Variants in TRIP13 observed in about 807,000 individuals in gnomAD.
TRIP13 encodes the protein pachytene checkpoint protein 2 homolog.
In TRIP13, 25 loss-of-function variants were observed where a neutral mutation model predicts 54.4. The observed-to-expected ratio is 0.46, with a 90% CI of 0.33 to 0.64. The LOEUF (loss-of-function observed/expected upper bound fraction) is 0.64, where lower values mean the gene tolerates loss of function less well. TRIP13 is among the 30% of genes least tolerant of loss of function. TRIP13 has a pLI of 0.02. For missense variants in TRIP13, 373 were observed against 534.2 expected (o/e 0.70, Z 2.97); for synonymous variants, 207 against 207.8 (o/e 1.00, Z 0.03).
intron 10 of TRIP13, among the ~76,000 whole-genome samples, chr5:914,235 A>G (rs1456993734): frequency 1.3e-5 from 2 of 152,162 alleles, no homozygotes; most frequent in African/African-American, 4.8e-5. Context: ...TTTCTGAGGC[A>G]TGTTCCGTTA....
chr5:914,902 A>G (rs1754313083), intron 11 of TRIP13, among the ~76,000 whole-genome samples: 1 of 152,186 alleles, frequency 6.6e-6, no homozygotes, highest in Non-Finnish European at 1.5e-5. Context: ...TTGGGGGTCC[A>G]GGGAGGGTGG....
Position 892,953 on chromosome 5 carries a change from G to T in TRIP13, c.-46G>T. ...TGGCGGCGACGCTGGGCGTGAGGTGGCGGCGGCCGCGCCCTGGTTGGGTCC... is the reference window on the plus strand; with the variant it reads ...TGGCGGCGACGCTGGGCGTGAGGTGTCGGCGGCCGCGCCCTGGTTGGGTCC... On this transcript the variant is annotated 5_prime_UTR_variant, in exon 1 of 13. Transcript: ENST00000166345. 7.0e-7 allele frequency: 1 copy of T among 1,435,622 alleles called. No homozygotes were observed. Among genetic ancestry groups the T allele is most frequent in the Non-Finnish European group, 9.1e-7 (1 of 1,093,350 alleles). The allele number at this position is 1,435,622 out of a possible 1,614,324, so 88.9% of individuals were successfully genotyped here.
intron 3 of TRIP13, 107 bp from the exon 4 acceptor site, chr5:900,387 G>C: frequency 9.4e-7 from 1 of 1,068,704 alleles, no homozygotes; most frequent in Non-Finnish European, 1.4e-6. Context: ...AGTCTTGCCT[G>C]GAGCAGCACA....
chr5:907,112 T>A lies in TRIP13; in HGVS notation c.609-18T>A, dbSNP rs766773861. 16 of 1,612,646 alleles carry A rather than the reference T, an allele frequency of 9.9e-6. No individual in the cohort carries two copies. Among genetic ancestry groups the A allele is most frequent in the Non-Finnish European group, 4.2e-6 (5 of 1,178,886 alleles). ...AGGACCAGTTAGTAATTCTCTCAACTCCTTTTTTCTATCTCAGGTACCGAT... is the reference window on the plus strand; with the variant it reads ...AGGACCAGTTAGTAATTCTCTCAACACCTTTTTTCTATCTCAGGTACCGAT... On this transcript the variant is annotated intron_variant, in intron 6 of 12. Coordinates refer to ENST00000166345, the MANE Select transcript of TRIP13 (RefSeq NM_004237.4). The surrounding 1 kb of genome is among the most constrained non-coding windows in gnomAD (Gnocchi z 4.1).
chr5:912,208 C>T lies in TRIP13; in HGVS notation c.1020+212C>T, dbSNP rs1447235637. Among the ~76,000 whole-genome samples the T allele has an allele frequency of 6.6e-6, 1 of 152,036 alleles. No homozygotes were observed. Among genetic ancestry groups the T allele is most frequent in the African/African-American group, 2.4e-5 (1 of 41,394 alleles). On this transcript the variant is annotated intron_variant, in intron 10 of 12. Transcript: ENST00000166345. This position sits in a 1 kb window ranked among gnomAD's most constrained non-coding sequence, Gnocchi z 7.2. ...ACTCAATATTTTTGTTCTTTTGGCA[C>T]AATACAGTCATCATTGTTCATTATT...
At chr5:901,924 CT>C (rs760020865) in intron 5 of TRIP13, among the ~76,000 whole-genome samples, 150 of 152,306 alleles carry the variant, frequency 9.8e-4, no homozygotes, top group Admixed American at 1.6e-3. Flanking sequence ...CGCGCGGCCC[CT>C]GGGGCATTGA....
Position 917,316 on chromosome 5 carries a change from A to G in TRIP13, c.*213A>G, listed in dbSNP as rs1754361071. The G allele has an allele frequency of 2.1e-6, 1 of 486,986 alleles. No individual in the cohort carries two copies. The highest frequency in any genetic ancestry group is 3.5e-5 in the East Asian group (1 of 28,588). The allele number at this position is 486,986 out of a possible 1,614,324, so 30.2% of individuals were successfully genotyped here. A position where few individuals can be genotyped will look rare whatever the true frequency, so the allele number is the denominator to read the frequency against. On this transcript the variant is annotated 3_prime_UTR_variant, in exon 13 of 13. Coordinates refer to ENST00000166345, the MANE Select transcript of TRIP13 (RefSeq NM_004237.4). ...CATACTGAGAGACAAACATCTTGTC[A>G]TTTTCACTGTTTGTAAAAGATAATT...
chr5:900,187 G>A lies in TRIP13; in HGVS notation c.389-307G>A, dbSNP rs1753952002. The stretch of plus-strand genomic sequence containing the variant: ...TGACAACAATACCTTAAAGAAGGAT[G>A]GGAAGTTAAAGTTTTTTTAAAAGAC... On this transcript the variant is annotated intron_variant, in intron 3 of 12. Transcript: ENST00000166345. Among the ~76,000 whole-genome samples the A allele has an allele frequency of 2.6e-5, 4 of 152,246 alleles. No homozygotes were observed. In the South Asian group the frequency reaches 8.3e-4, roughly 31 times the overall value.
In TRIP13 at chr5:911,684, T is replaced by TG. The variant is rs1330995505; in HGVS notation, c.867-153dup. Among the ~76,000 whole-genome samples the TG allele has an allele frequency of 6.6e-6, 1 of 152,106 alleles. No homozygotes were observed. The highest frequency in any genetic ancestry group is 1.5e-5 in the Non-Finnish European group (1 of 68,020). On this transcript the variant is annotated intron_variant, in intron 9 of 12. Coordinates refer to ENST00000166345, the MANE Select transcript of TRIP13 (RefSeq NM_004237.4). The surrounding 1 kb of genome is among the most constrained non-coding windows in gnomAD (Gnocchi z 4.7). ...GCCAAGGAGCAGCGAGAGCAAAGGC[T>TG]GGGGGGTCTGCGTGGCCTGTGTTGG...
intron 9 of TRIP13, among the ~76,000 whole-genome samples, chr5:909,267 C>A (rs1032653169): frequency 2.0e-5 from 3 of 152,210 alleles, no homozygotes; most frequent in Non-Finnish European, 2.9e-5. Flanking sequence ...TGGCCCAACT[C>A]CCAAGGAAGT....
chr5:903,492 ATTATTC>A (rs939973493), intron 5 of TRIP13, among the ~76,000 whole-genome samples: 2 of 152,092 alleles, frequency 1.3e-5, no homozygotes, highest in African/African-American at 4.8e-5. Context: ...ATCTAGTATA[ATTATTC>A]TTATTTTATT....
chr5:916,876 C>T (rs1754352029), intron 12 of TRIP13, 132 bp from the exon 13 acceptor site: 1 of 656,044 alleles, frequency 1.5e-6, no homozygotes, highest in Non-Finnish European at 2.5e-6. Flanking sequence ...GGTGCGCACT[C>T]ACTGCTCACC....
At chr5:916,200 A>C (rs1754337461) in intron 12 of TRIP13, among the ~76,000 whole-genome samples, 1 of 152,148 alleles carries the variant, frequency 6.6e-6, no homozygotes, top group African/African-American at 2.4e-5. Flanking sequence ...ACACGCATGC[A>C]TGCACACACA....
chr5:895,366 T>C (rs1409672269), intron 2 of TRIP13, among the ~76,000 whole-genome samples: 1 of 152,172 alleles, frequency 6.6e-6, no homozygotes. Flanking sequence ...ATCCCATGCA[T>C]GGCCACCTCA....
chr5:895,839 G>A (rs1207078850), intron 2 of TRIP13, among the ~76,000 whole-genome samples: 2 of 152,120 alleles, frequency 1.3e-5, no homozygotes, highest in Non-Finnish European at 2.9e-5. Context: ...ATGTTTGTTA[G>A]ATGCTGTTAA....
rs372391489 is a variant in TRIP13, at chr5:900,184, G to A, written c.389-310G>A. Among the ~76,000 whole-genome samples the A allele has an allele frequency of 2.6e-5, 4 of 152,232 alleles. No homozygotes were observed. The East Asian group carries it at 7.7e-4, about 29-fold the overall frequency. On this transcript the variant is annotated intron_variant, in intron 3 of 12. Transcript: ENST00000166345. ...AAATGACAACAATACCTTAAAGAAG[G>A]ATGGGAAGTTAAAGTTTTTTTAAAA...
At chr5:914,963 C>T (rs1388949462) in intron 11 of TRIP13, among the ~76,000 whole-genome samples, 1 of 152,084 alleles carries the variant, frequency 6.6e-6, no homozygotes, top group African/African-American at 2.4e-5. Context: ...AATTTGGTTC[C>T]AGCTGGAGAG....
At chr5:902,845 CA>C (rs774099207) in intron 5 of TRIP13, among the ~76,000 whole-genome samples, 31 of 152,206 alleles carry the variant, frequency 2.0e-4, no homozygotes, top group Non-Finnish European at 3.8e-4. Context: ...GTCCACTGGA[CA>C]GGGGACCCTT....
chr5:901,405 C>T lies in TRIP13; in HGVS notation c.509C>T (p.Thr170Ile), dbSNP rs776706963. 1 of 1,614,186 alleles carries T rather than the reference C, an allele frequency of 6.2e-7. No homozygotes were observed. Among genetic ancestry groups the T allele is most frequent in the African/African-American group, 1.3e-5 (1 of 75,062 alleles). ...AAGAACGTCAACAGCAACCTCATCA[C>T]CTGGAACCGGGTGGTGCTGCTCCAC... Reference protein sequence around the residue: ...SDKNVNSNLITWNRVVLLHGP... With the variant: ...SDKNVNSNLIIWNRVVLLHGP... Residue 170 changes from threonine to isoleucine, a missense_variant, in exon 5 of 13, where the codon ACC becomes ATC. This residue lies in a region of TRIP13 where 119 missense variants were observed against 223.0 expected (regional missense o/e 0.53). Coordinates refer to ENST00000166345, the MANE Select transcript of TRIP13 (RefSeq NM_004237.4).
Sources: gnomAD v4.1 joint callset for allele counts (sites outside exome capture counted in the v4.1 genomes callset) on GRCh38, gnomAD v4.1.1 for gene constraint, gnomAD v4.1.1 regional missense constraint, Gnocchi (gnomAD v3.1) non-coding constraint, MANE v1.5 for transcripts, NCBI Gene and HGNC (gene_info 2026-07-23, HGNC 2026-07-21) for gene names.